Variants in ATP6V0E1 observed in about 807,000 individuals in gnomAD.
ATP6V0E1 encodes the protein V-type proton ATPase subunit e 1.
In ATP6V0E1, 4 loss-of-function variants were observed where a neutral mutation model predicts 11.6. The observed-to-expected ratio is 0.35, with a 90% CI of 0.17 to 0.79. ATP6V0E1 has a LOEUF of 0.79. Ranked by LOEUF, ATP6V0E1 falls within the 30% of genes least tolerant of loss-of-function variation. The pLI, the probability that ATP6V0E1 is intolerant of heterozygous loss-of-function variation, is 0.54. For missense variants in ATP6V0E1, 105 were observed against 100.0 expected, an observed-to-expected ratio of 1.05 and a Z score of -0.21; for synonymous variants, 36 against 34.8, an observed-to-expected ratio of 1.04 and a Z score of -0.13.
chr5:173,009,493 G>T (rs150944456), intron 2 of ATP6V0E1, among the ~76,000 whole-genome samples: 2 of 125,710 alleles, frequency 1.6e-5, no homozygotes, highest in Admixed American at 9.9e-5. Flanking sequence ...ACAGAGTCTC[G>T]TTCTATCATC....
chr5:173,011,789 G>A (rs1404060056), intron 2 of ATP6V0E1, among the ~76,000 whole-genome samples: 1 of 152,050 alleles, frequency 6.6e-6, no homozygotes, highest in Non-Finnish European at 1.5e-5. Context: ...AAACATGAAA[G>A]GTACATTTAG....
intron 1 of ATP6V0E1, among the ~76,000 whole-genome samples, chr5:172,994,263 A>G (rs1756029251): frequency 6.6e-6 from 1 of 152,110 alleles, no homozygotes; most frequent in South Asian, 2.1e-4. Flanking sequence ...GGAGTAGGAG[A>G]TTCAGAAGGG....
At chr5:173,027,370 C>T (rs986478233) in intron 3 of ATP6V0E1, among the ~76,000 whole-genome samples, 15 of 147,874 alleles carry the variant, frequency 1.0e-4, no homozygotes, top group African/African-American at 3.7e-4. Context: ...GACATGGTGG[C>T]GGGTGCCTGT....
chr5:173,030,336 T>C (rs938163348), intron 3 of ATP6V0E1, among the ~76,000 whole-genome samples: 32 of 152,168 alleles, frequency 2.1e-4, no homozygotes, highest in Non-Finnish European at 1.0e-4. Flanking sequence ...AGATAAAAAT[T>C]AAGCCTAATA....
rs1264111448 is a variant in ATP6V0E1, at chr5:173,035,197, C to T, written c.*835C>T. 6.6e-6 allele frequency: 1 copy of T among 152,110 alleles called. No individual in the cohort carries two copies. The highest frequency in any genetic ancestry group is 1.9e-4 in the East Asian group (1 of 5,184). The allele number at this position is 152,110 out of a possible 1,614,324, so 9.4% of individuals were successfully genotyped here. ...ACTGTAATATAAGGTTGTGTTGGAGCATTGTCCTTAAAGATGGTACCATGG... is the reference window on the plus strand; with the variant it reads ...ACTGTAATATAAGGTTGTGTTGGAGTATTGTCCTTAAAGATGGTACCATGG... On this transcript the variant is annotated 3_prime_UTR_variant, in exon 4 of 4. Coordinates refer to ENST00000519374, the MANE Select transcript of ATP6V0E1 (RefSeq NM_003945.4).
intron 2 of ATP6V0E1, among the ~76,000 whole-genome samples, chr5:173,001,756 T>C (rs2113590316): frequency 6.6e-6 from 1 of 151,912 alleles, no homozygotes; most frequent in East Asian, 1.9e-4. Context: ...TTCACTCTTG[T>C]TGTCCAGGCT....
chr5:172,995,745 G>T (rs980489591), intron 2 of ATP6V0E1, among the ~76,000 whole-genome samples: 24 of 152,164 alleles, frequency 1.6e-4, no homozygotes, highest in Admixed American at 6.5e-5. Context: ...CTCCCAAGTA[G>T]TTGGGACTAT....
chr5:173,020,666 G>A, intron 3 of ATP6V0E1: 1 of 527,832 alleles, frequency 1.9e-6, no homozygotes, highest in Middle Eastern at 5.8e-4. Flanking sequence ...TTTATACTTG[G>A]CATTGTGAGA....
chr5:172,998,865 G>T (rs187777740), intron 2 of ATP6V0E1, among the ~76,000 whole-genome samples: 1 of 152,122 alleles, frequency 6.6e-6, no homozygotes, highest in African/African-American at 2.4e-5. Context: ...TGGGGGCCGG[G>T]CGTGTTGGCT....
intron 3 of ATP6V0E1, among the ~76,000 whole-genome samples, chr5:173,024,159 C>G (rs1334626697): frequency 3.5e-5 from 5 of 140,980 alleles, no homozygotes; most frequent in African/African-American, 1.4e-4. Flanking sequence ...GATTGCGCCA[C>G]TGCATTCCAG....
intron 3 of ATP6V0E1, among the ~76,000 whole-genome samples, chr5:173,028,609 A>G (rs897243699): frequency 2.0e-5 from 3 of 152,230 alleles, no homozygotes; most frequent in African/African-American, 4.8e-5. Flanking sequence ...TTAAATACAT[A>G]GCCGATCTTT....
At chr5:172,991,352 T>A (rs529064886) in intron 1 of ATP6V0E1, among the ~76,000 whole-genome samples, 12 of 152,336 alleles carry the variant, frequency 7.9e-5, no homozygotes, top group Admixed American at 7.8e-4. Context: ...GATACGTTAA[T>A]GAGGGAGCTT....
Position 173,034,546 on chromosome 5 carries a change from CT to C in ATP6V0E1, c.*190del. On this transcript the variant is annotated 3_prime_UTR_variant, in exon 4 of 4. Transcript: ENST00000519374. Reference sequence around the variant, plus strand: ...TACAATGCAGCGTGTTTTCCTTTGCCTTTTTTGCACTTTGGTGAATTACGTG... The same window carrying C: ...TACAATGCAGCGTGTTTTCCTTTGCCTTTTTGCACTTTGGTGAATTACGTG... 1.5e-6 allele frequency: 1 copy of C among 676,208 alleles called. No individual in the cohort carries two copies. The highest frequency in any genetic ancestry group is 2.7e-6 in the Non-Finnish European group (1 of 365,888). The allele number at this position is 676,208 out of a possible 1,614,324, so 41.9% of individuals were successfully genotyped here. A position where few individuals can be genotyped will look rare whatever the true frequency, so the allele number is the denominator to read the frequency against.
intron 3 of ATP6V0E1, among the ~76,000 whole-genome samples, chr5:173,027,803 A>G (rs1756586476): frequency 6.6e-6 from 1 of 151,384 alleles, no homozygotes; most frequent in Admixed American, 6.6e-5. Context: ...TCTGTTTTCT[A>G]CTCTTTATTT....
intron 2 of ATP6V0E1, among the ~76,000 whole-genome samples, chr5:173,004,021 C>G (rs1349672604): frequency 6.6e-6 from 1 of 152,028 alleles, no homozygotes; most frequent in Non-Finnish European, 1.5e-5. Context: ...CCCAAAATTT[C>G]AATAGTGCTG....
chr5:172,986,472 A>G (rs778657950), intron 1 of ATP6V0E1, among the ~76,000 whole-genome samples: 8 of 151,828 alleles, frequency 5.3e-5, no homozygotes, highest in Admixed American at 2.6e-4. Flanking sequence ...AATTTTTTTT[A>G]ATTAGTTGGG....
intron 2 of ATP6V0E1, among the ~76,000 whole-genome samples, chr5:172,995,065 G>A (rs1279525087): frequency 1.3e-5 from 2 of 152,156 alleles, no homozygotes; most frequent in African/African-American, 4.8e-5. Context: ...TGGAAATTAT[G>A]ATTATACTAC....
At chr5:173,025,571 C>T (rs1354512962) in intron 3 of ATP6V0E1, among the ~76,000 whole-genome samples, 1 of 139,734 alleles carries the variant, frequency 7.2e-6, no homozygotes, top group Non-Finnish European at 1.5e-5. Context: ...AGTGCATCAC[C>T]ACAACCTCTG....
At chr5:172,999,033 G>A (rs557769949) in intron 2 of ATP6V0E1, among the ~76,000 whole-genome samples, 3 of 152,250 alleles carry the variant, frequency 2.0e-5, no homozygotes, top group South Asian at 4.2e-4. Flanking sequence ...CTACTAAGGA[G>A]GCTGAGGCAG....
Sources: gnomAD v4.1 joint callset for allele counts (sites outside exome capture counted in the v4.1 genomes callset) on GRCh38, gnomAD v4.1.1 for gene constraint, MANE v1.5 for transcripts, NCBI Gene and HGNC (gene_info 2026-07-23, HGNC 2026-07-21) for gene names.